Variants in A4GALT observed in about 807,000 individuals in gnomAD.
A4GALT encodes the protein lactosylceramide 4-alpha-galactosyltransferase.
For synonymous variants in A4GALT, 257 were observed against 220.7 expected, an observed-to-expected ratio of 1.16 and a Z score of -1.46; for missense variants, 512 against 486.0, an observed-to-expected ratio of 1.05 and a Z score of -0.50.
At chr22:42,713,679 G>T (rs1043519065) in intron 1 of A4GALT, among the ~76,000 whole-genome samples, 1 of 152,098 alleles carries the variant, frequency 6.6e-6, no homozygotes, top group Non-Finnish European at 1.5e-5. Context: ...AGGCATGGTG[G>T]TGGGCACCTG....
intron 1 of A4GALT, among the ~76,000 whole-genome samples, chr22:42,716,306 G>A (rs1159062898): frequency 3.9e-5 from 6 of 152,158 alleles, no homozygotes; most frequent in Non-Finnish European, 7.3e-5. Context: ...TGATCTCACT[G>A]TTGTTTCTGT....
intron 2 of A4GALT, chr22:42,694,797 C>A (rs1469445866): frequency 1.3e-5 from 2 of 152,180 alleles, no homozygotes; most frequent in African/African-American, 4.8e-5. Context: ...GGATAGGACG[C>A]TGGAACCCAC....
chr22:42,720,669 C>G (rs1324202620), intron 1 of A4GALT, 128 bp downstream of exon 1: 1 of 152,002 alleles, frequency 6.6e-6, no homozygotes, highest in African/African-American at 2.4e-5. Context: ...ACAGGTGGCC[C>G]GGGCTAGGGC....
intron 1 of A4GALT, among the ~76,000 whole-genome samples, chr22:42,705,169 C>T (rs1920980546): frequency 6.6e-6 from 1 of 152,100 alleles, no homozygotes; most frequent in Non-Finnish European, 1.5e-5. Context: ...CAATTTCCAC[C>T]AAAACCTCCT....
Position 42,709,067 on chromosome 22 carries a change from A to ATATT in A4GALT, c.-188+11729_-188+11730insAATA, listed in dbSNP as rs1180529043. Among the ~76,000 whole-genome samples, 845 of 128,822 alleles carry ATATT rather than the reference A, an allele frequency of 6.6e-3. 5 individuals are homozygous for ATATT. The highest frequency in any genetic ancestry group is 0.02 in the African/African-American group (698 of 35,592). The allele number at this position is 128,822 out of a possible 152,430, so 84.5% of individuals were successfully genotyped here. A position where few individuals can be genotyped will look rare whatever the true frequency, so the allele number is the denominator to read the frequency against. ...AATTTAAATATATATATATATATATATTTTTTTTAAGACAGGGTCTGCTGT... is the reference window on the plus strand; with the variant it reads ...AATTTAAATATATATATATATATATATATTTTTTTTTTAAGACAGGGTCTGCTGT... On this transcript the variant is annotated intron_variant, in intron 1 of 2. Transcript: ENST00000642412.
intron 1 of A4GALT, among the ~76,000 whole-genome samples, chr22:42,709,064 TATA>T (rs962179954): frequency 9.2e-6 from 1 of 108,982 alleles, no homozygotes; most frequent in Admixed American, 9.6e-5. Context: ...TATATATATA[TATA>T]TTTTTTTTAA....
chr22:42,714,088 C>T lies in A4GALT; in HGVS notation c.-188+6709G>A, dbSNP rs545028968. Among the ~76,000 whole-genome samples, 55 of 151,710 alleles carry T rather than the reference C, an allele frequency of 3.6e-4. No homozygotes were observed. The South Asian group carries it at 0.011, about 30-fold the overall frequency. ...AGGAGAATCTTGAGGCCAAGAGTTG[C>T]GTGGGAAACATAGGGAGACCACATC... On this transcript the variant is annotated intron_variant, in intron 1 of 2. Coordinates refer to ENST00000642412, the MANE Select transcript of A4GALT (RefSeq NM_017436.7).
chr22:42,703,106 CTGTGTGTGTGTG>C (rs3985930), intron 1 of A4GALT, among the ~76,000 whole-genome samples: 1,406 of 134,106 alleles, frequency 0.01, 27 homozygotes, highest in African/African-American at 0.041. Flanking sequence ...TGCTGCCCCA[CTGTGTGTGTGTG>C]TGTGTGTGTG....
intron 1 of A4GALT, among the ~76,000 whole-genome samples, chr22:42,714,801 G>A (rs1167929598): frequency 2.0e-5 from 3 of 152,004 alleles, no homozygotes; most frequent in Non-Finnish European, 4.4e-5. Flanking sequence ...TACATCAGGG[G>A]GTAAAATGTG....
chr22:42,699,527 G>T (rs1175926142), intron 1 of A4GALT, among the ~76,000 whole-genome samples: 1 of 152,206 alleles, frequency 6.6e-6, no homozygotes, highest in Non-Finnish European at 1.5e-5. Context: ...CTTGGTCATG[G>T]GCCTGGCCCG....
In A4GALT at chr22:42,692,442, G is replaced by C. The variant is rs1177655206; in HGVS notation, c.*448C>G. 7 of 306,104 alleles carry C rather than the reference G, an allele frequency of 2.3e-5. No homozygotes were observed. Among genetic ancestry groups the C allele is most frequent in the South Asian group, 2.7e-5 (1 of 37,244 alleles). 19.0% of individuals were successfully genotyped at this position (306,104 alleles called of 1,614,324 possible). On this transcript the variant is annotated 3_prime_UTR_variant, in exon 3 of 3. Transcript: ENST00000642412. This position sits in a 1 kb window ranked among gnomAD's most constrained non-coding sequence, Gnocchi z 4.6. ...AAAAGAACAAAGCATCCTCCGCCCCGGACCCTTGGGGCTGGGTCTCCCCCA... is the reference window on the plus strand; with the variant it reads ...AAAAGAACAAAGCATCCTCCGCCCCCGACCCTTGGGGCTGGGTCTCCCCCA...
chr22:42,716,124 G>A (rs1021392872), intron 1 of A4GALT, among the ~76,000 whole-genome samples: 1 of 152,108 alleles, frequency 6.6e-6, no homozygotes, highest in African/African-American at 2.4e-5. Context: ...GAACCACTGC[G>A]CCCGGCCTCA....
chr22:42,700,549 C>A (rs1265641130), intron 1 of A4GALT, among the ~76,000 whole-genome samples: 1 of 152,208 alleles, frequency 6.6e-6, no homozygotes, highest in Non-Finnish European at 1.5e-5. Context: ...AAGGAGCTGG[C>A]CCCTGTGCGT....
intron 1 of A4GALT, among the ~76,000 whole-genome samples, chr22:42,702,980 G>T (rs1488052844): frequency 1.7e-5 from 2 of 115,036 alleles, no homozygotes; most frequent in Non-Finnish European, 3.3e-5. Context: ...TCAGGCCGGG[G>T]TACATCACAG....
chr22:42,712,341 G>A (rs923398494), intron 1 of A4GALT, among the ~76,000 whole-genome samples: 3 of 152,178 alleles, frequency 2.0e-5, no homozygotes, highest in Non-Finnish European at 2.9e-5. Flanking sequence ...CTGGACACAC[G>A]CACATGCACA....
At chr22:42,712,587 C>T (rs1015330007) in intron 1 of A4GALT, among the ~76,000 whole-genome samples, 7 of 152,194 alleles carry the variant, frequency 4.6e-5, no homozygotes, top group Non-Finnish European at 1.0e-4. Flanking sequence ...TCACTTTCAC[C>T]TGTTTTACTG....
chr22:42,717,285 G>A (rs1922272272), intron 1 of A4GALT, among the ~76,000 whole-genome samples: 1 of 152,154 alleles, frequency 6.6e-6, no homozygotes, highest in Admixed American at 6.5e-5. Context: ...CTTGTGGTTG[G>A]TATGTGGACA....
At chr22:42,716,352 G>A (rs1390282045) in intron 1 of A4GALT, among the ~76,000 whole-genome samples, 1 of 152,152 alleles carries the variant, frequency 6.6e-6, no homozygotes, top group Admixed American at 6.6e-5. Flanking sequence ...CTTCTCCAGT[G>A]TTGAGTTAAC....
At chr22:42,717,766 C>A (rs113422848) in intron 1 of A4GALT, among the ~76,000 whole-genome samples, 3 of 151,988 alleles carry the variant, frequency 2.0e-5, no homozygotes, top group Non-Finnish European at 4.4e-5. Context: ...ACACACACAC[C>A]CACGCACGCA....
Sources: allele counts gnomAD v4.1 joint callset (sites outside exome capture counted in the v4.1 genomes callset), GRCh38; gene constraint gnomAD v4.1.1; non-coding constraint Gnocchi (gnomAD v3.1); transcripts MANE v1.5; gene names NCBI Gene and HGNC (gene_info 2026-07-23, HGNC 2026-07-21).